Variants in OR4K1 observed in about 807,000 individuals in gnomAD.
The protein encoded by OR4K1 is olfactory receptor family 4 subfamily K member 1, also known as olfactory receptor 4K1.
In OR4K1, 16 loss-of-function variants were observed where a neutral mutation model predicts 14.4. The ratio of observed to expected loss-of-function variants is 1.11; its 90% confidence interval spans 0.75 to 1.68. OR4K1 has a LOEUF of 1.68. OR4K1 is among the 40% of genes most tolerant of loss of function. OR4K1 has a pLI of 0.00. For missense variants in OR4K1, 548 were observed against 376.9 expected, an observed-to-expected ratio of 1.45 and a Z score of -3.76; for synonymous variants, 181 against 133.1, an observed-to-expected ratio of 1.36 and a Z score of -2.48.
rs1882338072 is a variant in OR4K1 at position 19,936,709 on chromosome 14, A to G, written c.*107A>G. 1 of 1,082,644 alleles carries G rather than the reference A, an allele frequency of 9.2e-7. No individual in the cohort carries two copies. The highest frequency in any genetic ancestry group is 2.6e-5 in the East Asian group (1 of 38,576). 67.1% of individuals were successfully genotyped at this position (1,082,644 alleles called of 1,614,324 possible). The stretch of plus-strand genomic sequence containing the variant: ...AGACATATGGGTTATTGAGTTACAG[A>G]ATTGGCTTTTTGTTTTAAGTGCAAG... On this transcript the variant is annotated 3_prime_UTR_variant, in exon 2 of 2. Coordinates refer to ENST00000641172, the MANE Select transcript of OR4K1 (RefSeq NM_001004063.3).
In OR4K1 at chr14:19,936,541, A is replaced by C. The variant is rs1243274331; in HGVS notation, c.875A>C (p.Glu292Ala). 2.5e-5 allele frequency: 41 copies of C among 1,611,866 alleles called. No individual in the cohort carries two copies. Among genetic ancestry groups the C allele is most frequent in the Non-Finnish European group, 3.4e-5 (40 of 1,179,394 alleles). ...LNPIIYSLRN[E>A]DVKAAMWKLR... ...CCCATCATCTACTCTCTGAGGAATG[A>C]AGATGTTAAAGCAGCCATGTGGAAG... The change falls in exon 2 of 2, where the codon GAA becomes GCA. Residue 292 changes from glutamate to alanine, a missense_variant. Glu to Ala is a moderately radical substitution (Grantham distance 107, BLOSUM62 -1). Coordinates refer to ENST00000641172, the MANE Select transcript of OR4K1 (RefSeq NM_001004063.3).
At chr14:19,927,498 A>C (rs1038119756), upstream of OR4K1, among the ~76,000 whole-genome samples, 3 of 152,246 alleles carry the variant, frequency 2.0e-5, no homozygotes, top group Non-Finnish European at 4.4e-5. Context: ...AAGAATGAGG[A>C]TGAACGTATG....
Position 19,935,734 on chromosome 14 carries a change from T to C in OR4K1, c.68T>C (p.Leu23Pro). ...VLLGLSNSWG[L>P]QLFFFAIFSI... ...TTGGGACTCTCTAATTCCTGGGGAC[T>C]TCAACTTTTCTTTTTTGCCATCTTC... Residue 23 changes from leucine to proline, a missense_variant, in exon 2 of 2, where the codon CTT becomes CCT. By Grantham distance (98) the Leu-to-Pro change is moderately conservative. Coordinates refer to ENST00000641172, the MANE Select transcript of OR4K1 (RefSeq NM_001004063.3). 1 of 1,613,858 alleles carries C rather than the reference T, an allele frequency of 6.2e-7. No individual in the cohort carries two copies. Among genetic ancestry groups the C allele is most frequent in the Non-Finnish European group, 8.5e-7 (1 of 1,179,844 alleles).
upstream of OR4K1, among the ~76,000 whole-genome samples, chr14:19,929,700 A>C (rs995308814): frequency 1.3e-5 from 2 of 152,218 alleles, no homozygotes; most frequent in African/African-American, 4.8e-5. Context: ...GCAGCCTCAT[A>C]AAATGAGCAG....
chr14:19,929,508 T>G (rs1185818775), upstream of OR4K1, among the ~76,000 whole-genome samples: 1 of 151,970 alleles, frequency 6.6e-6, no homozygotes, highest in African/African-American at 2.4e-5. Context: ...TTCTGGTTAT[T>G]TTTCTCTTGC....
rs766246021 is a variant in OR4K1 at position 19,936,192 on chromosome 14, A to T, written c.526A>T (p.Ser176Cys). 2.5e-6 allele frequency: 4 copies of T among 1,614,234 alleles called. 1 individual carries two copies. In the South Asian group the frequency reaches 4.4e-5, roughly 18 times the overall value. The stretch of plus-strand genomic sequence containing the variant: ...ATTCTGTGGTCCCAATGAGGTGGAT[A>T]GCTTCTTTTGTGACCTTCCCTTGGT... ...LPFCGPNEVD[S>C]FFCDLPLVIE... The change falls in exon 2 of 2, where the codon AGC becomes TGC. Residue 176 changes from serine (S) to cysteine (C), a missense_variant. Coordinates refer to ENST00000641172, the MANE Select transcript of OR4K1 (RefSeq NM_001004063.3).
intron 1 of OR4K1, among the ~76,000 whole-genome samples, chr14:19,933,094 T>C (rs1350979517): frequency 6.6e-6 from 1 of 151,674 alleles, no homozygotes; most frequent in Admixed American, 6.6e-5. Context: ...GCAAATCTTA[T>C]CACAAATGAC....
rs138753104 is a variant in OR4K1, at chr14:19,936,599, C to T, written c.933C>T (p.Asn311=). 26 of 1,596,612 alleles carry T rather than the reference C, an allele frequency of 1.6e-5. No homozygotes were observed. In the African/African-American group the frequency reaches 3.5e-4, roughly 22 times the overall value. Residue 311 remains asparagine, a synonymous_variant, in exon 2 of 2, where the codon AAC becomes AAT. Transcript: ENST00000641172. ...ACCGTCATGTGAACTCCTGGAAAAACTAGGGATCATTACGAAGGAGCATAA... is the reference window on the plus strand; with the variant it reads ...ACCGTCATGTGAACTCCTGGAAAAATTAGGGATCATTACGAAGGAGCATAA... ...LRNRHVNSWK[N] is the part of the protein sequence containing the mutation.
chr14:19,936,228 G>T lies in OR4K1; in HGVS notation c.562G>T (p.Ala188Ser), dbSNP rs142845996. The T allele has an allele frequency of 3.4e-5, 55 of 1,614,092 alleles. No individual in the cohort carries two copies. The African/African-American group carries it at 6.7e-4, about 20-fold the overall frequency. Residue 188 changes from alanine to serine, a missense_variant, in exon 2 of 2, where the codon GCT (alanine) becomes TCT (serine). Ala to Ser is a moderately conservative substitution (Grantham distance 99). Coordinates refer to ENST00000641172, the MANE Select transcript of OR4K1 (RefSeq NM_001004063.3). ...FCDLPLVIEL[A>S]CMDTYEMEIM... ...TGACCTTCCCTTGGTGATAGAGCTG[G>T]CTTGCATGGATACATATGAAATGGA...
At chr14:19,928,526 A>T (rs911868703), upstream of OR4K1, among the ~76,000 whole-genome samples, 1 of 151,978 alleles carries the variant, frequency 6.6e-6, no homozygotes, top group Admixed American at 6.6e-5. Flanking sequence ...CTTTTTTTTA[A>T]AATTCCTATT....
Position 19,935,892 on chromosome 14 carries a change from T to G in OR4K1, c.226T>G (p.Phe76Val), listed in dbSNP as rs1882300982. 1 of 1,614,178 alleles carries G rather than the reference T, an allele frequency of 6.2e-7. No individual in the cohort carries two copies. The highest frequency in any genetic ancestry group is 8.5e-7 in the Non-Finnish European group (1 of 1,180,066). Residue 76 changes from phenylalanine (F) to valine (V), a missense_variant, in exon 2 of 2, where the codon TTT (phenylalanine) becomes GTT (valine). Phe to Val is a conservative substitution (Grantham distance 50). Transcript: ENST00000641172. The part of the protein sequence containing the change: ...LSFIDICQSN[F>V]ATPKMLVDFF... Reference sequence around the variant, plus strand: ...TTTCATTGATATCTGTCAGTCTAACTTTGCCACCCCCAAGATGCTTGTAGA... The same window carrying G: ...TTTCATTGATATCTGTCAGTCTAACGTTGCCACCCCCAAGATGCTTGTAGA...
the OR4K1 span, among the ~76,000 whole-genome samples, chr14:19,923,182 AAT>A: frequency 6.6e-6 from 1 of 152,186 alleles, no homozygotes; most frequent in Admixed American, 6.5e-5. Context: ...TATTTCCCTC[AAT>A]TTGCAATACT....
intron 1 of OR4K1, among the ~76,000 whole-genome samples, chr14:19,931,550 G>A (rs1287811046): frequency 6.6e-6 from 1 of 152,224 alleles, no homozygotes; most frequent in African/African-American, 2.4e-5. Context: ...ATGGTCAGTA[G>A]TATATCCTTT....
chr14:19,930,868 G>A (rs1336161990), upstream of OR4K1: 1 of 152,260 alleles, frequency 6.6e-6, no homozygotes, highest in Non-Finnish European at 1.5e-5. Context: ...AGGTTGAAAG[G>A]CTTTATATTG....
At chr14:19,933,268 T>C (rs1325534256) in intron 1 of OR4K1, among the ~76,000 whole-genome samples, 1 of 152,100 alleles carries the variant, frequency 6.6e-6, no homozygotes, top group Non-Finnish European at 1.5e-5. Context: ...AAATAAATAA[T>C]TTTTTATTCC....
chr14:19,920,322 T>C, the OR4K1 span, among the ~76,000 whole-genome samples: 138 of 152,314 alleles, frequency 9.1e-4, no homozygotes, highest in African/African-American at 3.1e-3. Context: ...GGTAAGCTCA[T>C]TTCCTACTGT....
In OR4K1 at chr14:19,935,629, T is replaced by C. The variant is rs772821091; in HGVS notation, c.-19-19T>C. On this transcript the variant is annotated intron_variant, in intron 1 of 1. Coordinates refer to ENST00000641172, the MANE Select transcript of OR4K1 (RefSeq NM_001004063.3). Reference sequence around the variant, plus strand: ...GTAATGCCAATCATTGTGACATTTTTCTGATTTCTTTTTTTTAGGTAACTG... The same window carrying C: ...GTAATGCCAATCATTGTGACATTTTCCTGATTTCTTTTTTTTAGGTAACTG... The C allele has an allele frequency of 6.7e-7, 1 of 1,499,926 alleles. No individual in the cohort carries two copies. The allele number at this position is 1,499,926 out of a possible 1,614,324, so 92.9% of individuals were successfully genotyped here.
the OR4K1 span, among the ~76,000 whole-genome samples, chr14:19,922,604 A>G: frequency 7.9e-5 from 12 of 151,868 alleles, no homozygotes; most frequent in Admixed American, 7.9e-4. Context: ...TTTTTTTCAA[A>G]GTAAACTGAA....
In OR4K1 at chr14:19,935,764, T is replaced by C. The variant is rs546173877; in HGVS notation, c.98T>C (p.Ile33Thr). Residue 33 changes from isoleucine (I) to threonine (T), a missense_variant, in exon 2 of 2, where the codon ATA becomes ACA. By Grantham distance (89) the Ile-to-Thr change is moderately conservative. Coordinates refer to ENST00000641172, the MANE Select transcript of OR4K1 (RefSeq NM_001004063.3). ...LQLFFFAIFS[I>T]VYVTSVLGNV... ...CTTTTCTTTTTTGCCATCTTCTCTA[T>C]AGTCTATGTGACATCAGTGCTAGGC... The C allele has an allele frequency of 4.3e-6, 7 of 1,614,178 alleles. No individual in the cohort carries two copies. Among genetic ancestry groups the C allele is most frequent in the African/African-American group, 2.7e-5 (2 of 75,074 alleles).
Sources: gnomAD v4.1 joint callset for allele counts (sites outside exome capture counted in the v4.1 genomes callset) on GRCh38, gnomAD v4.1.1 for gene constraint, MANE v1.5 for transcripts, NCBI Gene and HGNC (gene_info 2026-07-23, HGNC 2026-07-21) for gene names.